Variants in GATB observed in about 807,000 individuals in gnomAD.
GATB encodes the protein glutamyl-tRNA amidotransferase subunit B, also known as glutamyl-tRNA(Gln) amidotransferase subunit B, mitochondrial.
Under a neutral mutation model 62.3 loss-of-function variants are expected in GATB, and 39 were observed. The ratio of observed to expected loss-of-function variants is 0.63; its 90% CI spans 0.48 to 0.82. The LOEUF (loss-of-function observed/expected upper bound fraction) is 0.82. Ranked by LOEUF, GATB falls within the 40% of genes least tolerant of loss-of-function variation. The pLI, the probability that GATB is intolerant of heterozygous loss-of-function variation, is 0.00. For missense variants in GATB, 670 were observed against 684.0 expected (o/e 0.98, Z 0.23); for synonymous variants, 276 against 258.9 (o/e 1.07, Z -0.63).
intron 2 of GATB, among the ~76,000 whole-genome samples, chr4:151,756,152 T>G (rs2127001240): frequency 6.6e-6 from 1 of 152,316 alleles, no homozygotes; most frequent in South Asian, 2.1e-4. Flanking sequence ...ATATAAGCCC[T>G]GCGCAGAAAG....
intron 10 of GATB, among the ~76,000 whole-genome samples, chr4:151,686,283 T>C (rs891412500): frequency 1.6e-4 from 25 of 152,190 alleles, no homozygotes; most frequent in Non-Finnish European, 3.2e-4. Context: ...GGGGAACTCA[T>C]TCAAGCTGAG....
chr4:151,686,346 G>C (rs1471626667), intron 10 of GATB, among the ~76,000 whole-genome samples: 2 of 152,134 alleles, frequency 1.3e-5, no homozygotes, highest in East Asian at 3.9e-4. Context: ...ACATGGATGT[G>C]TGCATCCATA....
At chr4:151,696,684 T>C (rs1042085681) in intron 9 of GATB, among the ~76,000 whole-genome samples, 4 of 152,232 alleles carry the variant, frequency 2.6e-5, no homozygotes, top group Admixed American at 6.5e-5. Flanking sequence ...ACAATGTGAA[T>C]TGCAGAGCAT....
At chr4:151,689,753 T>C (rs1286627071) in intron 9 of GATB, among the ~76,000 whole-genome samples, 2 of 152,124 alleles carry the variant, frequency 1.3e-5, no homozygotes, top group African/African-American at 4.8e-5. Context: ...GAGGCGCGCA[T>C]TCTTATCATA....
At chr4:151,727,400 G>C (rs1739157551) in intron 2 of GATB, among the ~76,000 whole-genome samples, 3 of 152,326 alleles carry the variant, frequency 2.0e-5, no homozygotes, top group Middle Eastern at 3.4e-3. Flanking sequence ...GGGATTGGAG[G>C]CCAATGGCCC....
In GATB at chr4:151,686,642, T is replaced by TCCCCG. The variant is rs1288138412; in HGVS notation, c.1331+1983_1331+1987dup. On this transcript the variant is annotated intron_variant, in intron 10 of 12. Coordinates refer to ENST00000263985, the MANE Select transcript of GATB (RefSeq NM_004564.3). ...TCTCCCTTGGCTTCTGTGTCACCAG[T>TCCCCG]CCCCGCCCCGCCCCCCCCCCACCCC... Among the ~76,000 whole-genome samples, 637 of 73,434 alleles carry TCCCCG rather than the reference T, an allele frequency of 8.7e-3. 2 individuals are homozygous for TCCCCG. Among genetic ancestry groups the TCCCCG allele is most frequent in the African/African-American group, 0.026 (297 of 11,382 alleles). The allele number at this position is 73,434 out of a possible 152,430, so 48.2% of individuals were successfully genotyped here.
In GATB at chr4:151,671,149, C is replaced by T. The variant is rs547466326; in HGVS notation, c.*25G>A. On this transcript the variant is annotated 3_prime_UTR_variant, in exon 13 of 13. Coordinates refer to ENST00000263985, the MANE Select transcript of GATB (RefSeq NM_004564.3). Reference sequence around the variant, plus strand: ...CAGGCTGCACTGTTTGTTGTTGTCCCTTGGGCAAGGGGATCCCAAACATCT... The same window carrying T: ...CAGGCTGCACTGTTTGTTGTTGTCCTTTGGGCAAGGGGATCCCAAACATCT... The T allele has an allele frequency of 8.5e-5, 137 of 1,613,906 alleles. No individual in the cohort carries two copies. In the Admixed American group the frequency reaches 2.2e-3, roughly 27 times the overall value.
intron 2 of GATB, among the ~76,000 whole-genome samples, chr4:151,742,680 A>G (rs1385992931): frequency 6.6e-6 from 1 of 152,188 alleles, no homozygotes; most frequent in Non-Finnish European, 1.5e-5. Context: ...AATATGGAAA[A>G]TGGCCCTGGC....
intron 2 of GATB, among the ~76,000 whole-genome samples, chr4:151,727,123 G>A (rs1397554333): frequency 6.6e-6 from 1 of 152,150 alleles, no homozygotes; most frequent in East Asian, 1.9e-4. Context: ...GTCTTGCTAT[G>A]TTGCCCAGGC....
At chr4:151,736,351 T>G (rs1378375596) in intron 2 of GATB, among the ~76,000 whole-genome samples, 2 of 152,214 alleles carry the variant, frequency 1.3e-5, no homozygotes, top group Non-Finnish European at 2.9e-5. Flanking sequence ...TTTTCCCCAA[T>G]TATATATTTT....
intron 3 of GATB, among the ~76,000 whole-genome samples, chr4:151,718,611 T>C (rs945443912): frequency 3.3e-5 from 5 of 152,210 alleles, no homozygotes; most frequent in African/African-American, 9.7e-5. Context: ...GTCTTACTTG[T>C]ATTTTTTATT....
intron 2 of GATB, among the ~76,000 whole-genome samples, chr4:151,748,304 A>G (rs1739643659): frequency 6.6e-6 from 1 of 152,248 alleles, no homozygotes; most frequent in Non-Finnish European, 1.5e-5. Flanking sequence ...TGGTACTGGT[A>G]CCAAAACAGA....
intron 2 of GATB, among the ~76,000 whole-genome samples, chr4:151,725,941 A>G (rs1430769104): frequency 6.6e-6 from 1 of 152,214 alleles, no homozygotes; most frequent in Non-Finnish European, 1.5e-5. Context: ...AAGTATCAGC[A>G]CATCCTTAAA....
rs191494088 is a variant in GATB, at chr4:151,739,163, T to C, written c.327+19609A>G. On this transcript the variant is annotated intron_variant, in intron 2 of 12. Coordinates refer to ENST00000263985, the MANE Select transcript of GATB (RefSeq NM_004564.3). ...AAAAGGAGATACGTGCATAAAAATTTAGAATAGAATATTTTAAGGCTCCCA... is the reference window on the plus strand; with the variant it reads ...AAAAGGAGATACGTGCATAAAAATTCAGAATAGAATATTTTAAGGCTCCCA... 1.8e-3 allele frequency among the ~76,000 whole-genome samples: 277 copies of C among 152,356 alleles called. 5 individuals carry two copies. Among genetic ancestry groups the C allele is most frequent in the South Asian group, 6.4e-3 (31 of 4,830 alleles).
intron 2 of GATB, among the ~76,000 whole-genome samples, chr4:151,736,680 G>A (rs898527854): frequency 2.0e-5 from 3 of 152,224 alleles, no homozygotes; most frequent in African/African-American, 7.2e-5. Flanking sequence ...CATGAGTACT[G>A]ATATGGTTTG....
chr4:151,699,396 A>G (rs1738554892), intron 9 of GATB, among the ~76,000 whole-genome samples: 1 of 151,980 alleles, frequency 6.6e-6, no homozygotes, highest in South Asian at 2.1e-4. Context: ...TCAAAAAAAA[A>G]AAAAAAAAAG....
At chr4:151,688,803 C>T (rs780380365) in intron 9 of GATB, 40 bp from the exon 10 acceptor site, 4 of 1,556,780 alleles carry the variant, frequency 2.6e-6, no homozygotes, top group Admixed American at 2.2e-5. Flanking sequence ...AAAGCCTCCC[C>T]AAAAATGAAA....
chr4:151,721,950 A>G, intron 2 of GATB: 2 of 537,680 alleles, frequency 3.7e-6, no homozygotes, highest in Non-Finnish European at 6.5e-6. Flanking sequence ...CAAACATTAC[A>G]GTGATACTGA....
Position 151,758,916 on chromosome 4 carries a change from G to A in GATB, c.183C>T (p.His61=), listed in dbSNP as rs969422699. ...HTAQKTRKGE[H]KWAAVVGLEI... is the part of the protein sequence containing the mutation. ...CCAAACCTACCACAGCAGCCCATTT[G>A]TGTTCACTAAGAAGAAAGAGATAAT... The change falls in exon 2 of 13, where the codon CAC becomes CAT. Residue 61 remains histidine (H), a synonymous_variant. Coordinates refer to ENST00000263985, the MANE Select transcript of GATB (RefSeq NM_004564.3). 6.2e-7 allele frequency: 1 copy of A among 1,600,632 alleles called. No individual in the cohort carries two copies. Among genetic ancestry groups the A allele is most frequent in the African/African-American group, 1.3e-5 (1 of 74,376 alleles).
Sources: allele counts gnomAD v4.1 joint callset (sites outside exome capture counted in the v4.1 genomes callset), GRCh38; gene constraint gnomAD v4.1.1; transcripts MANE v1.5; gene names NCBI Gene and HGNC (gene_info 2026-07-23, HGNC 2026-07-21).